Variants in CNTN4 observed in about 807,000 individuals in gnomAD.
The protein encoded by CNTN4 is contactin 4.
In CNTN4, 77 loss-of-function variants were observed where a neutral mutation model predicts 122.5. The ratio of observed to expected loss-of-function variants is 0.63; its 90% CI spans 0.52 to 0.76. The LOEUF is 0.76. Among genes scored for constraint, CNTN4 ranks in the 30% least tolerant of loss-of-function variants. The probability of loss-of-function intolerance (pLI) is 0.00; values close to 1 mark genes in which losing one functional copy is unlikely to be tolerated. For missense variants in CNTN4, 1,256 were observed against 1,259.1 expected (o/e 1.00, Z 0.04); for synonymous variants, 512 against 447.0 (o/e 1.15, Z -1.83).
At chr3:2,114,476 A>C (rs2033199225) in intron 2 of CNTN4, among the ~76,000 whole-genome samples, 1 of 152,002 alleles carries the variant, frequency 6.6e-6, no homozygotes. Flanking sequence ...TAAATAAATA[A>C]AATTAAGAAA....
chr3:2,959,688 A>C (rs2124975979), intron 13 of CNTN4, among the ~76,000 whole-genome samples: 1 of 152,124 alleles, frequency 6.6e-6, no homozygotes, highest in South Asian at 2.1e-4. Flanking sequence ...TCAAAAAAAA[A>C]AATCTTCTAC....
At chr3:2,550,948 C>T (rs562844982) in intron 3 of CNTN4, among the ~76,000 whole-genome samples, 64 of 151,864 alleles carry the variant, frequency 4.2e-4, no homozygotes, top group Admixed American at 1.4e-3. Flanking sequence ...CGGGGCCTGT[C>T]GGGGGAGTGG....
chr3:3,038,980 T>G lies in CNTN4; in HGVS notation c.2140T>G (p.Ser714Ala). 6.2e-7 allele frequency: 1 copy of G among 1,614,028 alleles called. No individual in the cohort carries two copies. The highest frequency in any genetic ancestry group is 8.5e-7 in the Non-Finnish European group (1 of 1,179,908). The change falls in exon 19 of 25, where the codon TCT becomes GCT. Residue 714 changes from serine (S) to alanine (A), a missense_variant. Transcript: ENST00000418658. ...TGTCAGTGGTGGCGGAGGCAGCAAA[T>G]CTGAACTGGTTATAACCTGGGAGGT... is the stretch of plus-strand genomic sequence containing the variant. ...ANVSGGGGSK[S>A]ELVITWETVP...
chr3:2,955,678 A>C (rs944573796), intron 13 of CNTN4, among the ~76,000 whole-genome samples: 5 of 152,196 alleles, frequency 3.3e-5, no homozygotes, highest in African/African-American at 1.2e-4. Context: ...GCCAACATTT[A>C]GTAGTGGAGC....
At chr3:2,468,029 C>G (rs1050646514) in intron 3 of CNTN4, among the ~76,000 whole-genome samples, 1 of 152,130 alleles carries the variant, frequency 6.6e-6, no homozygotes, top group Non-Finnish European at 1.5e-5. Flanking sequence ...TCTCCTGATT[C>G]CTAGTTTAGT....
intron 14 of CNTN4, among the ~76,000 whole-genome samples, chr3:3,025,477 A>T (rs932302231): frequency 6.6e-6 from 1 of 152,184 alleles, no homozygotes; most frequent in African/African-American, 2.4e-5. Context: ...GAGGAGAAAA[A>T]GGAAAATCGT....
At chr3:2,453,918 A>G (rs557591714) in intron 3 of CNTN4, among the ~76,000 whole-genome samples, 9 of 151,216 alleles carry the variant, frequency 6.0e-5, no homozygotes, top group Non-Finnish European at 1.2e-4. Flanking sequence ...CTACAATTAC[A>G]ATTTAGAAGT....
intron 3 of CNTN4, among the ~76,000 whole-genome samples, chr3:2,386,772 G>A (rs2046271420): frequency 6.6e-6 from 1 of 152,156 alleles, no homozygotes; most frequent in Admixed American, 6.5e-5. Flanking sequence ...AAAATTATTT[G>A]AGATGAGTTA....
chr3:3,013,722 C>G (rs188222189), intron 14 of CNTN4, among the ~76,000 whole-genome samples: 35 of 151,280 alleles, frequency 2.3e-4, no homozygotes, highest in Admixed American at 7.8e-4. Context: ...TCTACAAATG[C>G]AAAATACCAT....
chr3:2,621,513 T>G (rs796084261), intron 4 of CNTN4, among the ~76,000 whole-genome samples: 92 of 151,628 alleles, frequency 6.1e-4, no homozygotes, highest in African/African-American at 2.1e-3. Flanking sequence ...GGGGGGCTAG[T>G]GGAGGGATAG....
At chr3:2,971,243 T>C (rs530293389) in intron 13 of CNTN4, among the ~76,000 whole-genome samples, 70 of 152,306 alleles carry the variant, frequency 4.6e-4, no homozygotes, top group Admixed American at 2.2e-3. Flanking sequence ...GAAGAAAATG[T>C]GTGTATTAGT....
intron 12 of CNTN4, 79 bp from the exon 13 acceptor site, chr3:2,925,550 A>G: frequency 6.8e-7 from 1 of 1,468,310 alleles, no homozygotes; most frequent in South Asian, 1.2e-5. Flanking sequence ...GTCTCAAAAA[A>G]GAAAGAAAGA....
At chr3:2,197,050 G>GAAAAA (rs756328918) in intron 2 of CNTN4, among the ~76,000 whole-genome samples, 8 of 87,118 alleles carry the variant, frequency 9.2e-5, no homozygotes, top group Non-Finnish European at 1.2e-4. Context: ...GGTCTCACCA[G>GAAAAA]AAAAAAAAAA....
intron 2 of CNTN4, among the ~76,000 whole-genome samples, chr3:2,287,496 A>G (rs115154686): frequency 0.014 from 2,084 of 151,674 alleles, 56 homozygotes; most frequent in African/African-American, 0.047. Flanking sequence ...CAGCTACTTG[A>G]GTGGGCTGAG....
At chr3:3,010,990 C>G (rs1358188856) in intron 14 of CNTN4, among the ~76,000 whole-genome samples, 1 of 152,198 alleles carries the variant, frequency 6.6e-6, no homozygotes, top group African/African-American at 2.4e-5. Flanking sequence ...ACCCCATCCT[C>G]TCACGTTTAT....
At chr3:2,274,338 G>T (rs1471697118) in intron 2 of CNTN4, among the ~76,000 whole-genome samples, 1 of 152,050 alleles carries the variant, frequency 6.6e-6, no homozygotes, top group Non-Finnish European at 1.5e-5. Flanking sequence ...AGCCAAGATT[G>T]CACCACTGCA....
At chr3:3,038,882 C>T (rs772893120) in intron 18 of CNTN4, 51 bp from the exon 19 acceptor site, 7 of 1,524,492 alleles carry the variant, frequency 4.6e-6, no homozygotes, top group Admixed American at 3.3e-5. Context: ...CTTCCTGGCC[C>T]TCATTCGCCT....
intron 3 of CNTN4, among the ~76,000 whole-genome samples, chr3:2,402,057 C>T (rs1020276223): frequency 3.9e-5 from 6 of 152,124 alleles, no homozygotes; most frequent in Non-Finnish European, 7.4e-5. Flanking sequence ...TACTCTGCTA[C>T]AACCATACTT....
chr3:2,951,102 G>A (rs916803266), intron 13 of CNTN4, among the ~76,000 whole-genome samples: 1 of 152,150 alleles, frequency 6.6e-6, no homozygotes, highest in Non-Finnish European at 1.5e-5. Context: ...CCCACGAGAA[G>A]CTTAGAATTG....
Sources: allele counts gnomAD v4.1 joint callset (sites outside exome capture counted in the v4.1 genomes callset), GRCh38; gene constraint gnomAD v4.1.1; transcripts MANE v1.5; gene names NCBI Gene and HGNC (gene_info 2026-07-23, HGNC 2026-07-21).